Variants in ZFAND2B observed in about 807,000 individuals in gnomAD.
ZFAND2B encodes the protein zinc finger AN1-type containing 2B.
ZFAND2B carries 27 observed loss-of-function variants against 38.2 expected under a neutral mutation model. That is an observed-to-expected ratio of 0.71 (90% CI 0.52 to 0.97). The LOEUF is 0.97. ZFAND2B is among the 50% of genes least tolerant of loss of function. ZFAND2B has a pLI of 0.00. For synonymous variants in ZFAND2B, 111 were observed against 119.4 expected (o/e 0.93, Z 0.46); for missense variants, 303 against 331.5 (o/e 0.91, Z 0.67).
In ZFAND2B at chr2:219,208,263, G is replaced by A; in HGVS notation, c.442G>A (p.Ala148Thr). 1 of 1,614,152 alleles carries A rather than the reference G, an allele frequency of 6.2e-7. No homozygotes were observed. ...AATCTCTCTTCCCTACAGACTTGCT[G>A]CCATCTCCAGAGCACAAGCTGTGGC... ...GHPTSRAGLA[A>T]ISRAQAVAST... is the part of the protein sequence containing the mutation. The change falls in exon 5 of 9, where the codon GCC (alanine) becomes ACC (threonine). Residue 148 changes from alanine (A) to threonine (T), a missense_variant. Physicochemically the swap from Ala to Thr is moderately conservative, Grantham distance 58. Transcript: ENST00000289528.
chr2:219,208,444 G>T lies in ZFAND2B; in HGVS notation c.546G>T (p.Pro182=). Residue 182 remains proline, a synonymous_variant, in exon 6 of 9, where the codon CCG becomes CCT. Coordinates refer to ENST00000289528, the MANE Select transcript of ZFAND2B (RefSeq NM_138802.3). ...TSPSRATTRS[P]SWTAPPVIAL... ...GTCGTAGAGCCACAACCCGATCTCCGTCCTGGACAGCCCCTCCAGTGATTG... is the reference window on the plus strand; with the variant it reads ...GTCGTAGAGCCACAACCCGATCTCCTTCCTGGACAGCCCCTCCAGTGATTG... The T allele has an allele frequency of 8.7e-6, 14 of 1,614,210 alleles. No homozygotes were observed. The highest frequency in any genetic ancestry group is 1.2e-5 in the Non-Finnish European group (14 of 1,180,036).
In ZFAND2B at chr2:219,206,958, T is replaced by A; in HGVS notation, c.-30T>A. ...CCTAAAGACGCTCAGCACTCGTCGC[T>A]TCTCCTAGCAGACCCTGCCCGGCTT... On this transcript the variant is annotated 5_prime_UTR_variant, in exon 1 of 9. Coordinates refer to ENST00000289528, the MANE Select transcript of ZFAND2B (RefSeq NM_138802.3). 1 of 1,611,558 alleles carries A rather than the reference T, an allele frequency of 6.2e-7. No individual in the cohort carries two copies.
At position 219,209,459 on chromosome 2, in the gene ZFAND2B, C is replaced by A; in HGVS notation, c.*153C>A. The A allele has an allele frequency of 1.1e-6, 1 of 897,312 alleles. No homozygotes were observed. The highest frequency in any genetic ancestry group is 1.8e-6 in the Non-Finnish European group (1 of 551,266). 55.6% of individuals were successfully genotyped at this position (897,312 alleles called of 1,614,324 possible). On this transcript the variant is annotated 3_prime_UTR_variant, in exon 9 of 9. Coordinates refer to ENST00000289528, the MANE Select transcript of ZFAND2B (RefSeq NM_138802.3). ...CCCTGGGAGCCTCTGGAAGGCCTTGCTAGTGCTCCAGCTGCATGGAAGAGA... is the reference window on the plus strand; with the variant it reads ...CCCTGGGAGCCTCTGGAAGGCCTTGATAGTGCTCCAGCTGCATGGAAGAGA...
rs1272437407 is a variant in ZFAND2B, at chr2:219,209,579, C to G, written c.*273C>G. Reference sequence around the variant, plus strand: ...TCATGTCATCTCCCTTATGCTGGAGCTGCCCCGATGTGGAGTGGGCAGGAA... The same window carrying G: ...TCATGTCATCTCCCTTATGCTGGAGGTGCCCCGATGTGGAGTGGGCAGGAA... On this transcript the variant is annotated 3_prime_UTR_variant, in exon 9 of 9. Coordinates refer to ENST00000289528, the MANE Select transcript of ZFAND2B (RefSeq NM_138802.3). 2.3e-5 allele frequency: 16 copies of G among 684,040 alleles called. No homozygotes were observed. The East Asian group carries it at 4.1e-4, about 17-fold the overall frequency. 42.4% of individuals were successfully genotyped at this position (684,040 alleles called of 1,614,324 possible). A position where few individuals can be genotyped will look rare whatever the true frequency, so the allele number is the denominator to read the frequency against.
chr2:219,209,186 C>T (rs1490819443), intron 8 of ZFAND2B, 76 bp from the exon 9 acceptor site: 1 of 1,569,744 alleles, frequency 6.4e-7, no homozygotes, highest in African/African-American at 1.3e-5. Context: ...CCATGCTGAG[C>T]TCTGAAATGA....
rs764885846 is a variant in ZFAND2B, at chr2:219,207,357, C to T, written c.86C>T (p.Ser29Leu). Residue 29 changes from serine to leucine, a missense_variant, in exon 2 of 9, where the codon TCA becomes TTA. By Grantham distance (145) the Ser-to-Leu change is moderately radical. Transcript: ENST00000289528. ...CTGCCGCTTAAGTGTGATGCCTGCT[C>T]AGGCATCTTCTGCGCAGACCATGTG... is the stretch of plus-strand genomic sequence containing the variant. ...DFLPLKCDAC[S>L]GIFCADHVAY... 12 of 1,613,752 alleles carry T rather than the reference C, an allele frequency of 7.4e-6. No homozygotes were observed. Among genetic ancestry groups the T allele is most frequent in the Non-Finnish European group, 1.0e-5 (12 of 1,179,762 alleles).
Position 219,209,292 on chromosome 2 carries a change from T to C in ZFAND2B, c.760T>C (p.Cys254Arg). 1 of 1,611,122 alleles carries C rather than the reference T, an allele frequency of 6.2e-7. No individual in the cohort carries two copies. Among genetic ancestry groups the C allele is most frequent in the Non-Finnish European group, 8.5e-7 (1 of 1,179,172 alleles). The change falls in exon 9 of 9, where the codon TGC becomes CGC. Residue 254 changes from cysteine (C) to arginine (R), a missense_variant. Cys to Arg is a radical substitution (Grantham distance 180). Transcript: ENST00000289528. ...AQSRSSKPSN[C>R]SLC is the part of the protein sequence containing the mutation. ...GAGCCGCAGCTCGAAGCCGTCCAAC[T>C]GCAGCCTGTGCTAGGGCCCTGGGCT... is the stretch of plus-strand genomic sequence containing the variant.
chr2:219,209,035 T>C lies in ZFAND2B; in HGVS notation c.715T>C (p.Tyr239His), dbSNP rs1184086714. ...AQALSASEAE[Y>H]QRQQAQSRSS... ...AGCACTGTCAGCCAGTGAGGCAGAA[T>C]ACCAGCGGCAGCAGGTATGAGGCTG... Residue 239 changes from tyrosine to histidine, a missense_variant, in exon 8 of 9, where the codon TAC (tyrosine) becomes CAC (histidine). By Grantham distance (83) the Tyr-to-His change is moderately conservative. Transcript: ENST00000289528. 6.2e-7 allele frequency: 1 copy of C among 1,614,208 alleles called. No homozygotes were observed. Among genetic ancestry groups the C allele is most frequent in the Admixed American group, 1.7e-5 (1 of 60,018 alleles).
rs866156218 is a variant in ZFAND2B, at chr2:219,208,008, C to T, written c.404C>T (p.Ser135Phe). ...KHRHPLDHDCSGEGHPTSRAG... is the reference protein window; with the variant it reads ...KHRHPLDHDCFGEGHPTSRAG... ...CGGCATCCACTGGACCATGATTGCT[C>T]TGGGGAGGGGCACCCAACCAGCCGG... The change falls in exon 4 of 9, where the codon TCT (serine) becomes TTT (phenylalanine). Residue 135 changes from serine to phenylalanine, a missense_variant. By Grantham distance (155) the Ser-to-Phe change is radical. Coordinates refer to ENST00000289528, the MANE Select transcript of ZFAND2B (RefSeq NM_138802.3). 1 of 1,614,108 alleles carries T rather than the reference C, an allele frequency of 6.2e-7. No individual in the cohort carries two copies. Among genetic ancestry groups the T allele is most frequent in the African/African-American group, 1.3e-5 (1 of 75,050 alleles).
At position 219,207,579 on chromosome 2, in the gene ZFAND2B, G is replaced by A. The variant is rs561369245; in HGVS notation, c.151-69G>A. On this transcript the variant is annotated intron_variant, in intron 2 of 8. Coordinates refer to ENST00000289528, the MANE Select transcript of ZFAND2B (RefSeq NM_138802.3). ...CGTGTTTGTGGTGGGTCATATCCAA[G>A]TTCTTTCAGGACCAGAGATTTGTTG... 3.7e-6 allele frequency: 6 copies of A among 1,602,672 alleles called. No homozygotes were observed. In the East Asian group the frequency reaches 1.3e-4, roughly 36 times the overall value.
chr2:219,208,986 GGAA>G lies in ZFAND2B; in HGVS notation c.672_674del (p.Glu224del), dbSNP rs768684472. On this transcript the variant is annotated inframe_deletion, in exon 8 of 9. Coordinates refer to ENST00000289528, the MANE Select transcript of ZFAND2B (RefSeq NM_138802.3). ...TGTTTCTCCCTCCCAGTTGTCAGGA[GGAA>G]GAAGACCTAGCTTTAGCACAAGCAC... is the stretch of plus-strand genomic sequence containing the variant. 6.2e-7 allele frequency: 1 copy of G among 1,614,182 alleles called. No homozygotes were observed. The highest frequency in any genetic ancestry group is 8.5e-7 in the Non-Finnish European group (1 of 1,180,018).
rs1472531888 is a variant in ZFAND2B at position 219,206,814 on chromosome 2, G to C, written c.-174G>C. 3 of 601,776 alleles carry C rather than the reference G, an allele frequency of 5.0e-6. No individual in the cohort carries two copies. Among genetic ancestry groups the C allele is most frequent in the Non-Finnish European group, 7.8e-6 (3 of 384,642 alleles). The allele number at this position is 601,776 out of a possible 1,614,324, so 37.3% of individuals were successfully genotyped here. ...CGCCGCGCGCGCCGAGGGAGGAGCG[G>C]GCGCCGGGGGCCGGCTGGCGCGGGG... On this transcript the variant is annotated 5_prime_UTR_variant, in exon 1 of 9. Transcript: ENST00000289528.
intron 1 of ZFAND2B, 61 bp from the exon 2 acceptor site, chr2:219,207,253 CGAGTGGAAGACTT>C: frequency 3.9e-6 from 6 of 1,523,242 alleles, no homozygotes; most frequent in Non-Finnish European, 5.5e-6. Context: ...TTTTCCTTCC[CGAGTGGAAGACTT>C]GAGTGAGAGA....
chr2:219,207,274 A>G, intron 1 of ZFAND2B, 53 bp from the exon 2 acceptor site: 2 of 1,572,022 alleles, frequency 1.3e-6, no homozygotes, highest in South Asian at 2.2e-5. Context: ...CTTGAGTGAG[A>G]GAGAAGGACA....
rs1950527232 is a variant in ZFAND2B, at chr2:219,208,574, T to A, written c.591T>A (p.Ser197Arg). ...TGGTCTTCTTTCTCCCTTTGTAGAG[T>A]GAGGATGAAGCTCTGCAGCGGGCCC... is the stretch of plus-strand genomic sequence containing the variant. The part of the protein sequence containing the change: ...PPVIALQNGL[S>R]EDEALQRALE... The change falls in exon 7 of 9, where the codon AGT (serine) becomes AGA (arginine). Residue 197 changes from serine to arginine, a missense_variant and splice_region_variant. Transcript: ENST00000289528. The A allele has an allele frequency of 6.2e-7, 1 of 1,613,860 alleles. No individual in the cohort carries two copies. The highest frequency in any genetic ancestry group is 1.7e-5 in the Admixed American group (1 of 59,976).
rs752261888 is a variant in ZFAND2B, at chr2:219,209,503, C to T, written c.*197C>T. The stretch of plus-strand genomic sequence containing the variant: ...GAAGAGAGCGGCTAGCAACTGTTCC[C>T]TGGTTGGGCCCTCAGTGGATGCTGG... On this transcript the variant is annotated 3_prime_UTR_variant, in exon 9 of 9. Transcript: ENST00000289528. 1.3e-4 allele frequency: 96 copies of T among 736,748 alleles called. No homozygotes were observed. Among genetic ancestry groups the T allele is most frequent in the Admixed American group, 3.8e-4 (19 of 49,710 alleles). 45.6% of individuals were successfully genotyped at this position (736,748 alleles called of 1,614,324 possible). A position where few individuals can be genotyped will look rare whatever the true frequency, so the allele number is the denominator to read the frequency against.
chr2:219,208,614 GCAGAAACCAAAC>G lies in ZFAND2B; in HGVS notation c.633_644del (p.Glu212_Pro215del). On this transcript the variant is annotated inframe_deletion, in exon 7 of 9. Transcript: ENST00000289528. Reference sequence around the variant, plus strand: ...GCAGCGGGCCCTGGAAATGTCCCTGGCAGAAACCAAACCCCAGGTTCCAAGGTACCTTACCCT... The same window carrying G: ...GCAGCGGGCCCTGGAAATGTCCCTGGCCCAGGTTCCAAGGTACCTTACCCT... 3.1e-6 allele frequency: 5 copies of G among 1,614,044 alleles called. No individual in the cohort carries two copies. Among genetic ancestry groups the G allele is most frequent in the Non-Finnish European group, 3.4e-6 (4 of 1,179,934 alleles).
Position 219,208,578 on chromosome 2 carries a change from G to A in ZFAND2B, c.595G>A (p.Asp199Asn), listed in dbSNP as rs757454303. ...VIALQNGLSE[D>N]EALQRALEMS... ...CTTCTTTCTCCCTTTGTAGAGTGAG[G>A]ATGAAGCTCTGCAGCGGGCCCTGGA... Residue 199 changes from aspartate to asparagine, a missense_variant, in exon 7 of 9, where the codon GAT (aspartate) becomes AAT (asparagine). By Grantham distance (23) the Asp-to-Asn change is conservative. Coordinates refer to ENST00000289528, the MANE Select transcript of ZFAND2B (RefSeq NM_138802.3). 9 of 1,614,120 alleles carry A rather than the reference G, an allele frequency of 5.6e-6. No homozygotes were observed. Among genetic ancestry groups the A allele is most frequent in the African/African-American group, 4.0e-5 (3 of 74,952 alleles).
At position 219,208,414 on chromosome 2, in the gene ZFAND2B, TGTCTGTCGTAGA is replaced by T; in HGVS notation, c.528-10_529del. The T allele has an allele frequency of 6.2e-7, 1 of 1,614,226 alleles. No homozygotes were observed. Among genetic ancestry groups the T allele is most frequent in the Non-Finnish European group, 8.5e-7 (1 of 1,180,036 alleles). ...ACACCTCTGACCTCCACCTCTTCAA[TGTCTGTCGTAGA>T]GCCACAACCCGATCTCCGTCCTGGA... On this transcript the variant is annotated splice_acceptor_variant and splice_polypyrimidine_tract_variant and coding_sequence_variant and intron_variant, in exon 6 of 9. Transcript: ENST00000289528. LOFTEE classifies it high-confidence loss of function.
Sources: allele counts gnomAD v4.1 joint callset, GRCh38; gene constraint gnomAD v4.1.1; transcripts MANE v1.5; gene names NCBI Gene and HGNC (gene_info 2026-07-23, HGNC 2026-07-21).